Variants in STT3B observed in about 807,000 individuals in gnomAD.
The protein encoded by STT3B is dolichyl-diphosphooligosaccharide--protein glycosyltransferase subunit STT3B.
In STT3B, 29 loss-of-function variants were observed where a neutral mutation model predicts 96.8. The ratio of observed to expected loss-of-function variants is 0.30; its 90% confidence interval spans 0.22 to 0.41. The LOEUF (loss-of-function observed/expected upper bound fraction) is 0.41. STT3B is among the 10% of genes least tolerant of loss of function. The pLI is 1.00. For missense variants in STT3B, 640 were observed against 1,022.3 expected (o/e 0.63, Z 5.10); for synonymous variants, 367 against 360.0 (o/e 1.02, Z -0.22).
chr3:31,586,496 T>C (rs1239538056), intron 3 of STT3B, among the ~76,000 whole-genome samples: 1 of 152,122 alleles, frequency 6.6e-6, no homozygotes, highest in Non-Finnish European at 1.5e-5. Context: ...TTGTCTCATG[T>C]ATTTACTTAT....
At chr3:31,590,299 A>G (rs531097378) in intron 3 of STT3B, among the ~76,000 whole-genome samples, 6 of 151,638 alleles carry the variant, frequency 4.0e-5, no homozygotes, top group South Asian at 2.1e-4. Flanking sequence ...TATATTTTCA[A>G]TTGCATTGAT....
At chr3:31,585,270 C>T (rs1698509982) in intron 3 of STT3B, among the ~76,000 whole-genome samples, 1 of 151,950 alleles carries the variant, frequency 6.6e-6, no homozygotes, top group African/African-American at 2.4e-5. Flanking sequence ...GCATAATTGC[C>T]AGGGTTTGGT....
chr3:31,544,518 TC>T (rs1290314811), intron 1 of STT3B, among the ~76,000 whole-genome samples: 1 of 152,188 alleles, frequency 6.6e-6, no homozygotes. Flanking sequence ...ATGGCAGTAT[TC>T]CTGTGAATCC....
At chr3:31,588,719 T>G (rs546278250) in intron 3 of STT3B, among the ~76,000 whole-genome samples, 1 of 152,122 alleles carries the variant, frequency 6.6e-6, no homozygotes, top group African/African-American at 2.4e-5. Flanking sequence ...TAGATTGATT[T>G]TTTTTTGTAT....
chr3:31,633,968 C>G (rs1387688292), intron 15 of STT3B, among the ~76,000 whole-genome samples: 1 of 152,048 alleles, frequency 6.6e-6, no homozygotes, highest in Non-Finnish European at 1.5e-5. Flanking sequence ...AAACAACTGT[C>G]TTAACTCTTT....
intron 1 of STT3B, among the ~76,000 whole-genome samples, chr3:31,564,272 A>G (rs1368618103): frequency 1.3e-5 from 2 of 152,326 alleles, no homozygotes; most frequent in African/African-American, 2.4e-5. Context: ...ATTGGGTCAT[A>G]TATAAAATAG....
At chr3:31,536,886 A>T (rs1559355739) in intron 1 of STT3B, among the ~76,000 whole-genome samples, 2 of 152,212 alleles carry the variant, frequency 1.3e-5, no homozygotes, top group African/African-American at 4.8e-5. Context: ...ACATATTTTT[A>T]TTGTAAGAGA....
intron 1 of STT3B, among the ~76,000 whole-genome samples, chr3:31,552,455 TGTC>T (rs1697584900): frequency 6.6e-6 from 1 of 152,210 alleles, no homozygotes; most frequent in Non-Finnish European, 1.5e-5. Flanking sequence ...CTAAACACAT[TGTC>T]TTTTTAGGAA....
At chr3:31,569,821 A>T (rs1477040426) in intron 1 of STT3B, among the ~76,000 whole-genome samples, 2 of 152,056 alleles carry the variant, frequency 1.3e-5, no homozygotes, top group African/African-American at 4.8e-5. Flanking sequence ...AGTATGTGTG[A>T]GTGTGTGAAA....
intron 3 of STT3B, among the ~76,000 whole-genome samples, chr3:31,594,044 A>G (rs1055844899): frequency 6.6e-6 from 1 of 152,114 alleles, no homozygotes; most frequent in South Asian, 2.1e-4. Context: ...GCAATTTTCT[A>G]TTTCAAAGCC....
At chr3:31,599,436 A>G (rs1038757261) in intron 4 of STT3B, among the ~76,000 whole-genome samples, 17 of 152,298 alleles carry the variant, frequency 1.1e-4, no homozygotes, top group African/African-American at 3.1e-4. Flanking sequence ...TTAGAATAAC[A>G]TTGTTTTTTG....
intron 1 of STT3B, among the ~76,000 whole-genome samples, chr3:31,564,913 T>C (rs1209661473): frequency 6.6e-6 from 1 of 152,184 alleles, no homozygotes; most frequent in Non-Finnish European, 1.5e-5. Flanking sequence ...TTAAATCCCA[T>C]AAATAATTTA....
At chr3:31,545,411 G>A (rs1377395559) in intron 1 of STT3B, among the ~76,000 whole-genome samples, 1 of 152,154 alleles carries the variant, frequency 6.6e-6, no homozygotes, top group Non-Finnish European at 1.5e-5. Context: ...ATTAAGTGAT[G>A]TTATAACTGT....
At chr3:31,632,155 C>T (rs911993425) in intron 14 of STT3B, among the ~76,000 whole-genome samples, 7 of 152,148 alleles carry the variant, frequency 4.6e-5, no homozygotes, top group Non-Finnish European at 8.8e-5. Context: ...CACATCAGGA[C>T]GGTCTGAGAA....
intron 3 of STT3B, among the ~76,000 whole-genome samples, chr3:31,586,285 GT>G (rs1698533009): frequency 6.6e-6 from 1 of 150,626 alleles, no homozygotes; most frequent in Admixed American, 6.7e-5. Flanking sequence ...TGATTAAGTT[GT>G]TTTCTTACTC....
intron 1 of STT3B, among the ~76,000 whole-genome samples, chr3:31,535,857 C>T (rs1363386666): frequency 2.0e-5 from 3 of 152,112 alleles, no homozygotes; most frequent in Admixed American, 2.0e-4. Context: ...TTTAGGTATT[C>T]TGCATATAGT....
At chr3:31,630,794 T>TG (rs1405074074) in intron 14 of STT3B, among the ~76,000 whole-genome samples, 4 of 75,100 alleles carry the variant, frequency 5.3e-5, no homozygotes, top group Non-Finnish European at 1.4e-4. Context: ...TTTTTTGTGG[T>TG]GTTTTTTTTG....
intron 6 of STT3B, among the ~76,000 whole-genome samples, chr3:31,615,572 C>T (rs944227428): frequency 2.6e-5 from 4 of 151,862 alleles, no homozygotes; most frequent in African/African-American, 9.7e-5. Context: ...TGTTATATAG[C>T]ACTTTAAAAT....
intron 12 of STT3B, among the ~76,000 whole-genome samples, chr3:31,625,384 T>C (rs1360621904): frequency 6.6e-6 from 1 of 152,238 alleles, no homozygotes; most frequent in African/African-American, 2.4e-5. Flanking sequence ...ATTTTTCGTG[T>C]TATAAACTAA....
Sources: allele counts gnomAD v4.1 joint callset (sites outside exome capture counted in the v4.1 genomes callset), GRCh38; gene constraint gnomAD v4.1.1; transcripts MANE v1.5; gene names NCBI Gene and HGNC (gene_info 2026-07-23, HGNC 2026-07-21).